Variants in CCDC82 observed in about 807,000 individuals in gnomAD.
CCDC82 encodes the protein coiled-coil domain containing 82, also known as coiled-coil domain-containing protein 82.
Under a neutral mutation model 60.6 loss-of-function variants are expected in CCDC82, and 47 were observed. The ratio of observed to expected loss-of-function variants is 0.77; its 90% CI spans 0.61 to 0.99. The LOEUF is 0.99. Among genes scored for constraint, CCDC82 ranks in the 50% least tolerant of loss-of-function variants. The pLI is 0.00. For synonymous variants in CCDC82, 212 were observed against 207.4 expected (o/e 1.02, Z -0.19); for missense variants, 588 against 633.0 (o/e 0.93, Z 0.76).
At chr11:96,362,498 C>G (rs1255256171) in intron 8 of CCDC82, among the ~76,000 whole-genome samples, 1 of 152,116 alleles carries the variant, frequency 6.6e-6, no homozygotes, top group African/African-American at 2.4e-5. Context: ...TTCTTCCCAC[C>G]AAATCCTAAG....
intron 8 of CCDC82, among the ~76,000 whole-genome samples, chr11:96,362,947 A>AGCACAATT (rs1864741870): frequency 6.6e-6 from 1 of 151,762 alleles, no homozygotes; most frequent in East Asian, 1.9e-4. Context: ...TGTGGGGTTA[A>AGCACAATT]GCACAATTTC....
At chr11:96,385,025 T>C in intron 3 of CCDC82, 1 of 269,216 alleles carries the variant, frequency 3.7e-6, no homozygotes, top group Non-Finnish European at 6.9e-6. Context: ...GTGCTGTCCT[T>C]CAGAAGATTA....
chr11:96,370,117 A>C (rs906206623), intron 7 of CCDC82, among the ~76,000 whole-genome samples: 1 of 152,206 alleles, frequency 6.6e-6, no homozygotes, highest in African/African-American at 2.4e-5. Context: ...TTATAAACCT[A>C]ATCTATGGCT....
chr11:96,359,008 AT>A lies in CCDC82; in HGVS notation c.1550del (p.Asn517MetfsTer38). 6.2e-7 allele frequency: 1 copy of A among 1,608,458 alleles called. No homozygotes were observed. The highest frequency in any genetic ancestry group is 1.1e-5 in the South Asian group (1 of 89,660). ...TTCACCTTACCTCCTTAATCCAGCC[AT>A]TTTCTTTTGACCGCCTGAAAATTCT... ...VERIFRRSKE[N>X]GWIKEKYGQL... On this transcript the variant is annotated frameshift_variant, in exon 9 of 10. Coordinates refer to ENST00000646818, the MANE Select transcript of CCDC82 (RefSeq NM_024725.4). LOFTEE classifies it high-confidence loss of function.
At chr11:96,356,822 A>G in intron 9 of CCDC82, 1 of 985,420 alleles carries the variant, frequency 1.0e-6, no homozygotes, top group South Asian at 4.7e-5. Context: ...GTCTTTGGGA[A>G]GACATGCTGA....
chr11:96,363,921 T>C (rs1049780811), intron 8 of CCDC82: 1 of 152,308 alleles, frequency 6.6e-6, no homozygotes, highest in African/African-American at 2.4e-5. Context: ...ACTGGCAATA[T>C]TGATGTTCTT....
chr11:96,378,977 G>A (rs917088492), intron 5 of CCDC82, among the ~76,000 whole-genome samples: 16 of 151,906 alleles, frequency 1.1e-4, no homozygotes, highest in Non-Finnish European at 2.1e-4. Flanking sequence ...GGTAAGAATT[G>A]CTCACTTCAA....
At chr11:96,379,259 T>C (rs951366397) in intron 5 of CCDC82, among the ~76,000 whole-genome samples, 1 of 151,916 alleles carries the variant, frequency 6.6e-6, no homozygotes, top group African/African-American at 2.4e-5. Context: ...ACTGTCTATA[T>C]TAAATTTTAT....
At chr11:96,357,737 G>A (rs1864419823) in intron 9 of CCDC82, 1 of 985,254 alleles carries the variant, frequency 1.0e-6, no homozygotes. Context: ...ACACTTAAAG[G>A]CATCAATAAA....
chr11:96,374,151 A>G (rs1233790078), intron 5 of CCDC82, among the ~76,000 whole-genome samples: 2 of 152,204 alleles, frequency 1.3e-5, no homozygotes, highest in Admixed American at 6.5e-5. Context: ...AATGTTCTCT[A>G]TCAACCACGA....
Position 96,357,696 on chromosome 11 carries a change from T to C in CCDC82, c.1566+1297A>G, listed in dbSNP as rs1290611082. 6 of 985,070 alleles carry C rather than the reference T, an allele frequency of 6.1e-6. No individual in the cohort carries two copies. In the East Asian group the frequency reaches 3.4e-4, roughly 56 times the overall value. The allele number at this position is 985,070 out of a possible 1,614,324, so 61.0% of individuals were successfully genotyped here. On this transcript the variant is annotated intron_variant, in intron 9 of 9. Coordinates refer to ENST00000646818, the MANE Select transcript of CCDC82 (RefSeq NM_024725.4). ...ATTCTTTATAACTGTGCTATCCCAATAGGTTTTGCAGTTCCACTAGAGGGT... is the reference window on the plus strand; with the variant it reads ...ATTCTTTATAACTGTGCTATCCCAACAGGTTTTGCAGTTCCACTAGAGGGT...
chr11:96,373,254 G>T, intron 6 of CCDC82, 121 bp downstream of exon 6: 2 of 591,630 alleles, frequency 3.4e-6, no homozygotes, highest in Non-Finnish European at 6.0e-6. Context: ...GGAAAACATT[G>T]GAAGGTCTTA....
intron 5 of CCDC82, chr11:96,381,303 C>T (rs1865867170): frequency 6.6e-6 from 1 of 151,602 alleles, no homozygotes; most frequent in African/African-American, 2.4e-5. Flanking sequence ...GAACCAGTGC[C>T]TACTGATATA....
At chr11:96,364,806 C>T (rs1391707833) in intron 8 of CCDC82, 174 bp downstream of exon 8, 6 of 536,546 alleles carry the variant, frequency 1.1e-5, no homozygotes, top group African/African-American at 3.9e-5. Context: ...TTTTTGAATT[C>T]TCTCCTATTA....
chr11:96,386,281 G>A lies in CCDC82; in HGVS notation c.-42C>T, dbSNP rs539919228. ...GACTATGTTTCCAGCTTTCCAAGAGGATTACTTTTTTCCTATAGATTGTGG... is the reference window on the plus strand; with the variant it reads ...GACTATGTTTCCAGCTTTCCAAGAGAATTACTTTTTTCCTATAGATTGTGG... On this transcript the variant is annotated 5_prime_UTR_variant, in exon 3 of 10. Coordinates refer to ENST00000646818, the MANE Select transcript of CCDC82 (RefSeq NM_024725.4). The A allele has an allele frequency of 1.4e-4, 22 of 152,500 alleles. No homozygotes were observed. Among genetic ancestry groups the A allele is most frequent in the African/African-American group, 5.1e-4 (21 of 41,506 alleles). 9.4% of individuals were successfully genotyped at this position (152,500 alleles called of 1,614,324 possible).
At position 96,371,031 on chromosome 11, in the gene CCDC82, AC is replaced by A; in HGVS notation, c.1190del (p.Arg397LeufsTer10). The stretch of plus-strand genomic sequence containing the variant: ...TGTGTACCTTATATTGCTCTTTCCA[AC>A]GACTTCTAGATACCAAGCTCTCTAG... ...PRLESLVSRS[R>X]WKEQYKERVE... On this transcript the variant is annotated frameshift_variant, in exon 7 of 10. Transcript: ENST00000646818. LOFTEE classifies it high-confidence loss of function. 6.3e-7 allele frequency: 1 copy of A among 1,595,112 alleles called. No individual in the cohort carries two copies.
chr11:96,385,856 T>C (rs886965660), intron 3 of CCDC82: 6 of 152,066 alleles, frequency 3.9e-5, no homozygotes, highest in Admixed American at 3.9e-4. Flanking sequence ...AATAGAAATA[T>C]GACAATGTAA....
In CCDC82 at chr11:96,383,481, A is replaced by C. The variant is rs552232169; in HGVS notation, c.787-8T>G. On this transcript the variant is annotated splice_polypyrimidine_tract_variant and splice_region_variant and intron_variant, in intron 4 of 9. Transcript: ENST00000646818. ...AGATTCCTTTTCAGAGTCCTAATTA[A>C]ATTAAAATAAATGCTTCAGTAAATG... 3.9e-6 allele frequency: 6 copies of C among 1,539,098 alleles called. No individual in the cohort carries two copies. In the African/African-American group the frequency reaches 8.3e-5, roughly 21 times the overall value.
intron 7 of CCDC82, among the ~76,000 whole-genome samples, chr11:96,369,995 A>T (rs1865176469): frequency 1.3e-5 from 2 of 152,234 alleles, no homozygotes; most frequent in Non-Finnish European, 2.9e-5. Context: ...TATGAAGAAG[A>T]AATGGGTTCA....
Sources: allele counts gnomAD v4.1 joint callset (sites outside exome capture counted in the v4.1 genomes callset), GRCh38; gene constraint gnomAD v4.1.1; transcripts MANE v1.5; gene names NCBI Gene and HGNC (gene_info 2026-07-23, HGNC 2026-07-21).